Variants in SMN1 observed in about 807,000 individuals in gnomAD.
SMN1 encodes the protein survival motor neuron protein.
For synonymous variants in SMN1, 3 were observed against 5.1 expected (o/e 0.58, Z 0.56); for missense variants, 15 against 17.1 (o/e 0.88, Z 0.22).
chr5:70,960,016 TGG>T, the SMN1 span, among the ~76,000 whole-genome samples: 1 of 142,596 alleles, frequency 7.0e-6, no homozygotes, highest in Non-Finnish European at 1.5e-5. Flanking sequence ...TATACCAACA[TGG>T]AGAGTTTGTT....
At chr5:70,958,905 G>T (rs1440219023), downstream of SMN1, among the ~76,000 whole-genome samples, 3 of 149,844 alleles carry the variant, frequency 2.0e-5, no homozygotes, top group Non-Finnish European at 3.0e-5. Flanking sequence ...CCCATTACTG[G>T]GTATATACCC....
At chr5:70,960,070 T>C in the SMN1 span, among the ~76,000 whole-genome samples, 1 of 149,186 alleles carries the variant, frequency 6.7e-6, no homozygotes, top group Non-Finnish European at 1.5e-5. Flanking sequence ...TTTGAATCTT[T>C]GTCAATTGAA....
intron 8 of SMN1, 37 bp downstream of exon 8, chr5:70,952,031 T>C: frequency 2.5e-6 from 4 of 1,609,820 alleles, no homozygotes; most frequent in Admixed American, 3.3e-5. Context: ...AATCTTACTT[T>C]TGTAAAACTT....
At chr5:70,943,810 A>G (rs1334286907) in intron 5 of SMN1, among the ~76,000 whole-genome samples, 89 of 144,134 alleles carry the variant, frequency 6.2e-4, no homozygotes, top group Non-Finnish European at 1.0e-3. Flanking sequence ...TTTTTTCGAG[A>G]TGGAGTCTTG....
At chr5:70,959,262 G>A in the SMN1 span, among the ~76,000 whole-genome samples, 1 of 149,880 alleles carries the variant, frequency 6.7e-6, no homozygotes, top group African/African-American at 2.4e-5. Flanking sequence ...GTTGTGGGGT[G>A]GGGGGAATGG....
chr5:70,955,208 C>G (rs1235357822), downstream of SMN1, among the ~76,000 whole-genome samples: 2 of 143,880 alleles, frequency 1.4e-5, no homozygotes, highest in African/African-American at 5.2e-5. Flanking sequence ...GACTGAGACC[C>G]TGTCTCAAAA....
downstream of SMN1, among the ~76,000 whole-genome samples, chr5:70,957,443 G>T (rs1441690835): frequency 6.9e-6 from 1 of 145,788 alleles, no homozygotes. Flanking sequence ...GTATGATATT[G>T]GCTGTGGGTT....
At chr5:70,957,387 CT>C (rs1749929975), downstream of SMN1, among the ~76,000 whole-genome samples, 1 of 126,792 alleles carries the variant, frequency 7.9e-6, no homozygotes, top group Non-Finnish European at 1.7e-5. Flanking sequence ...GCATCCCTGT[CT>C]TGTGCGTGTT....
rs1285917696 is a variant in SMN1, at chr5:70,950,371, T to C, written c.835-1570T>C. Among the ~76,000 whole-genome samples, 7 of 144,848 alleles carry C rather than the reference T, an allele frequency of 4.8e-5. No individual in the cohort carries two copies. The South Asian group carries it at 8.7e-4, about 18-fold the overall frequency. On this transcript the variant is annotated intron_variant, in intron 7 of 8. Coordinates refer to ENST00000380707, the MANE Select transcript of SMN1 (RefSeq NM_000344.4). ...GGCGGAGGTTGCGGTGAGCCAAGAT[T>C]GCACCATTGCACTCCAGCCTGGGCA... is the stretch of plus-strand genomic sequence containing the variant.
intron 8 of SMN1, chr5:70,952,208 T>C: frequency 6.7e-7 from 1 of 1,500,722 alleles, no homozygotes; most frequent in South Asian, 1.3e-5. Context: ...ACTGGTTGGT[T>C]ATGTGGAAGA....
At chr5:70,950,309 T>C (rs1207518092) in intron 7 of SMN1, among the ~76,000 whole-genome samples, 25 of 142,108 alleles carry the variant, frequency 1.8e-4, no homozygotes, top group South Asian at 6.6e-4. Context: ...CCCAGCTACT[T>C]GGGAGGCTGA....
At chr5:70,950,310 G>T (rs1268433951) in intron 7 of SMN1, among the ~76,000 whole-genome samples, 1 of 143,338 alleles carries the variant, frequency 7.0e-6, no homozygotes, top group African/African-American at 2.6e-5. Context: ...CCAGCTACTT[G>T]GGAGGCTGAG....
chr5:70,952,584 ACT>A lies in SMN1; in HGVS notation c.*152_*153del, dbSNP rs1178670674. ...AAGAAAAAAGGAAGTGGAATGGGTAACTCTTCTTGATTAAAAGTTATGTAATA... is the reference window on the plus strand; with the variant it reads ...AAGAAAAAAGGAAGTGGAATGGGTAACTTCTTGATTAAAAGTTATGTAATA... On this transcript the variant is annotated 3_prime_UTR_variant, in exon 9 of 9. Coordinates refer to ENST00000380707, the MANE Select transcript of SMN1 (RefSeq NM_000344.4). 268 of 379,340 alleles carry A rather than the reference ACT, an allele frequency of 7.1e-4. 4 individuals are homozygous for A. Among genetic ancestry groups the A allele is most frequent in the South Asian group, 5.6e-3 (162 of 28,766 alleles). The allele number at this position is 379,340 out of a possible 1,614,324, so 23.5% of individuals were successfully genotyped here. A position where few individuals can be genotyped will look rare whatever the true frequency, so the allele number is the denominator to read the frequency against.
Position 70,952,596 on chromosome 5 carries a change from T to G in SMN1, c.*161T>G. The G allele has an allele frequency of 4.1e-6, 1 of 243,060 alleles. No homozygotes were observed. Among genetic ancestry groups the G allele is most frequent in the South Asian group, 5.1e-5 (1 of 19,466 alleles). 15.1% of individuals were successfully genotyped at this position (243,060 alleles called of 1,614,324 possible). A position where few individuals can be genotyped will look rare whatever the true frequency, so the allele number is the denominator to read the frequency against. ...AGTGGAATGGGTAACTCTTCTTGAT[T>G]AAAAGTTATGTAATAACCAAATGCA... On this transcript the variant is annotated 3_prime_UTR_variant, in exon 9 of 9. Transcript: ENST00000380707.
intron 7 of SMN1, among the ~76,000 whole-genome samples, chr5:70,950,596 G>A: frequency 1.4e-5 from 2 of 141,242 alleles, no homozygotes. Context: ...TGTGATTACA[G>A]CCATATGCCA....
chr5:70,954,902 AC>A (rs1351663195), downstream of SMN1, among the ~76,000 whole-genome samples: 55 of 17,648 alleles, frequency 3.1e-3, 26 homozygotes, highest in South Asian at 6.9e-3. Flanking sequence ...AAAAAAAAAA[AC>A]AAAACACGTT....
At chr5:70,960,003 ATT>A in the SMN1 span, among the ~76,000 whole-genome samples, 1 of 139,902 alleles carries the variant, frequency 7.1e-6, no homozygotes, top group Non-Finnish European at 1.6e-5. Flanking sequence ...ATTAATCTAT[ATT>A]TATACCAACA....
At chr5:70,960,879 T>TAGAG in the SMN1 span, among the ~76,000 whole-genome samples, 1 of 148,380 alleles carries the variant, frequency 6.7e-6, no homozygotes, top group Non-Finnish European at 1.5e-5. Context: ...GTATTTTTAG[T>TAGAG]AGAGGTGGGG....
At chr5:70,960,780 C>T in the SMN1 span, among the ~76,000 whole-genome samples, 1 of 148,002 alleles carries the variant, frequency 6.8e-6, no homozygotes, top group African/African-American at 2.5e-5. Context: ...ACTGCAACCT[C>T]CTCCTCCCGG....
Sources: gnomAD v4.1 joint callset for allele counts (sites outside exome capture counted in the v4.1 genomes callset) on GRCh38, gnomAD v4.1.1 for gene constraint, MANE v1.5 for transcripts, NCBI Gene and HGNC (gene_info 2026-07-23, HGNC 2026-07-21) for gene names.